Variants in CARMIL1 observed in about 807,000 individuals in gnomAD.
CARMIL1 encodes capping protein regulator and myosin 1 linker 1, also known as F-actin-uncapping protein LRRC16A.
In CARMIL1, 90 loss-of-function variants were observed where a neutral mutation model predicts 177.1. The observed-to-expected ratio is 0.51, with a 90% CI of 0.43 to 0.61. The LOEUF (loss-of-function observed/expected upper bound fraction) is 0.61, where lower values mean the gene tolerates loss of function less well. CARMIL1 is among the 20% of genes least tolerant of loss of function. CARMIL1 has a pLI of 0.00. For missense variants in CARMIL1, 1,380 were observed against 1,667.0 expected (o/e 0.83, Z 3.00); for synonymous variants, 577 against 606.2 (o/e 0.95, Z 0.71).
intron 25 of CARMIL1, 67 bp from the exon 26 acceptor site, chr6:25,539,880 C>T: frequency 8.0e-7 from 1 of 1,251,338 alleles, no homozygotes; most frequent in Non-Finnish European, 1.1e-6. Context: ...TTCTCATTCA[C>T]TCTGCAATGA....
chr6:25,317,148 CT>C (rs1472753576), intron 2 of CARMIL1, among the ~76,000 whole-genome samples: 1 of 151,954 alleles, frequency 6.6e-6, no homozygotes, highest in East Asian at 1.9e-4. Flanking sequence ...TAAATGCTTT[CT>C]TTCTTTTTTT....
At chr6:25,459,273 T>TCTCTCTCTCTCTCTCTCTC (rs1390647134) in intron 8 of CARMIL1, among the ~76,000 whole-genome samples, 1 of 132,758 alleles carries the variant, frequency 7.5e-6, no homozygotes, top group African/African-American at 3.0e-5. Context: ...TTTCTTTTTT[T>TCTCTCTCTCTCTCTCTCTC]TTTTTTTAAG....
chr6:25,450,111 T>C, intron 6 of CARMIL1, 116 bp downstream of exon 6: 1 of 887,730 alleles, frequency 1.1e-6, no homozygotes, highest in Non-Finnish European at 1.7e-6. Context: ...CAAGGTGTAA[T>C]TAGCAGCGCA....
intron 2 of CARMIL1, among the ~76,000 whole-genome samples, chr6:25,371,130 A>T (rs1581712575): frequency 6.6e-6 from 1 of 152,228 alleles, no homozygotes; most frequent in African/African-American, 2.4e-5. Flanking sequence ...TCCATAGTGT[A>T]TATAGACCAC....
At chr6:25,328,215 G>T (rs373080779) in intron 2 of CARMIL1, among the ~76,000 whole-genome samples, 2 of 152,286 alleles carry the variant, frequency 1.3e-5, no homozygotes, top group South Asian at 4.1e-4. Flanking sequence ...GACTCACAGA[G>T]CAGTGGCAAG....
chr6:25,584,026 C>CTTTTT (rs71544648), intron 31 of CARMIL1, among the ~76,000 whole-genome samples: 14 of 119,122 alleles, frequency 1.2e-4, no homozygotes, highest in East Asian at 2.5e-4. Context: ...TTTTCTTTTT[C>CTTTTT]TTTTTTTTTT....
chr6:25,300,827 G>A (rs1782805887), intron 2 of CARMIL1, among the ~76,000 whole-genome samples: 2 of 152,298 alleles, frequency 1.3e-5, no homozygotes, highest in African/African-American at 4.8e-5. Context: ...AGGTAACTAA[G>A]TATATTACTA....
chr6:25,393,777 A>C (rs1793112536), intron 2 of CARMIL1, among the ~76,000 whole-genome samples: 1 of 151,452 alleles, frequency 6.6e-6, no homozygotes, highest in African/African-American at 2.4e-5. Flanking sequence ...GGATCGCTTG[A>C]ACCCAGGAGT....
At position 25,600,736 on chromosome 6, in the gene CARMIL1, G is replaced by A; in HGVS notation, c.3542G>A (p.Cys1181Tyr). 6.5e-7 allele frequency: 1 copy of A among 1,530,842 alleles called. No individual in the cohort carries two copies. Among genetic ancestry groups the A allele is most frequent in the Non-Finnish European group, 8.8e-7 (1 of 1,142,168 alleles). The allele number at this position is 1,530,842 out of a possible 1,614,324, so 94.8% of individuals were successfully genotyped here. Reference protein sequence around the residue: ...MKAKQEKRAACAQKKLGNDAV... With the variant: ...MKAKQEKRAAYAQKKLGNDAV... Reference sequence around the variant, plus strand: ...GCCAAGCAAGAGAAGAGAGCTGCGTGTGCGCAGAAGGTAAGGGTGGACCTA... The same window carrying A: ...GCCAAGCAAGAGAAGAGAGCTGCGTATGCGCAGAAGGTAAGGGTGGACCTA... The change falls in exon 33 of 37, where the codon TGT (cysteine) becomes TAT (tyrosine). Residue 1181 changes from cysteine to tyrosine, a missense_variant. Cys to Tyr is a radical substitution (Grantham distance 194, BLOSUM62 -2). Transcript: ENST00000329474.
intron 7 of CARMIL1, 112 bp from the exon 8 acceptor site, chr6:25,450,526 T>G (rs1328221491): frequency 9.0e-7 from 1 of 1,106,512 alleles, no homozygotes. Flanking sequence ...AAATCTTCAC[T>G]TCTCAGATTA....
chr6:25,492,791 G>T (rs983392880), intron 15 of CARMIL1, among the ~76,000 whole-genome samples: 1 of 152,008 alleles, frequency 6.6e-6, no homozygotes, highest in East Asian at 1.9e-4. Context: ...CACTTATTTG[G>T]AAAATTCAGT....
At position 25,365,645 on chromosome 6, in the gene CARMIL1, C is replaced by T. The variant is rs576525915; in HGVS notation, c.139-54469C>T. On this transcript the variant is annotated intron_variant, in intron 2 of 36. Coordinates refer to ENST00000329474, the MANE Select transcript of CARMIL1 (RefSeq NM_017640.6). ...TCAGCCCACTGCAACCTTCACTTCCCGGGCTCAAGTGATTCTCCTGCCTCA... is the reference window on the plus strand; with the variant it reads ...TCAGCCCACTGCAACCTTCACTTCCTGGGCTCAAGTGATTCTCCTGCCTCA... Among the ~76,000 whole-genome samples the T allele has an allele frequency of 4.8e-4, 73 of 152,242 alleles. No homozygotes were observed. In the Middle Eastern group the frequency reaches 0.017, roughly 35 times the overall value.
At chr6:25,318,946 A>G (rs765644656) in intron 2 of CARMIL1, among the ~76,000 whole-genome samples, 1 of 152,160 alleles carries the variant, frequency 6.6e-6, no homozygotes, top group Non-Finnish European at 1.5e-5. Context: ...GTGCAGCCTT[A>G]CTCAGTGACT....
intron 2 of CARMIL1, chr6:25,389,168 C>T (rs1792489734): frequency 6.6e-6 from 1 of 152,214 alleles, no homozygotes; most frequent in South Asian, 2.1e-4. Flanking sequence ...CACAGATGCT[C>T]TGCCAGTAGA....
intron 2 of CARMIL1, among the ~76,000 whole-genome samples, chr6:25,378,002 C>T (rs1407424589): frequency 6.6e-6 from 1 of 152,096 alleles, no homozygotes; most frequent in Admixed American, 6.5e-5. Flanking sequence ...GATTGAGGGG[C>T]AAAGCCAGGT....
In CARMIL1 at chr6:25,344,213, G is replaced by T. The variant is rs530446632; in HGVS notation, c.138+59304G>T. On this transcript the variant is annotated intron_variant, in intron 2 of 36. Coordinates refer to ENST00000329474, the MANE Select transcript of CARMIL1 (RefSeq NM_017640.6). ...ATCACCACTTCCTCTTCTCTCGCAA[G>T]CCTCATGTGGTACCTCCAACCTCAA... Among the ~76,000 whole-genome samples, 13 of 152,176 alleles carry T rather than the reference G, an allele frequency of 8.5e-5. No individual in the cohort carries two copies. The East Asian group carries it at 2.5e-3, about 29-fold the overall frequency.
At chr6:25,459,272 T>TCTC (rs1477339182) in intron 8 of CARMIL1, among the ~76,000 whole-genome samples, 35 of 134,932 alleles carry the variant, frequency 2.6e-4, no homozygotes, top group African/African-American at 9.1e-4. Context: ...CTTTCTTTTT[T>TCTC]TTTTTTTTAA....
intron 2 of CARMIL1, among the ~76,000 whole-genome samples, chr6:25,404,755 TAAA>T (rs56012794): frequency 0.46 from 63,481 of 139,192 alleles, 13,834 homozygotes; most frequent in Middle Eastern, 0.57. Context: ...GACTTCGTCT[TAAA>T]AAAAAAAAAA....
chr6:25,289,209 T>A (rs1472541920), intron 2 of CARMIL1, among the ~76,000 whole-genome samples: 1 of 152,198 alleles, frequency 6.6e-6, no homozygotes, highest in Non-Finnish European at 1.5e-5. Context: ...CTACGTTGGC[T>A]TGACATGTCA....
Sources: allele counts gnomAD v4.1 joint callset (sites outside exome capture counted in the v4.1 genomes callset), GRCh38; gene constraint gnomAD v4.1.1; transcripts MANE v1.5; gene names NCBI Gene and HGNC (gene_info 2026-07-23, HGNC 2026-07-21).